JARID2: variants seen among roughly 807,000 people sequenced by gnomAD.
JARID2 encodes the protein protein Jumonji.
A neutral mutation model predicts 125.6 loss-of-function variants in JARID2; 21 were observed. The ratio of observed to expected loss-of-function variants is 0.17; its 90% CI spans 0.12 to 0.24. The LOEUF is 0.24. JARID2 is among the 10% of genes least tolerant of loss of function. The pLI is 1.00. For synonymous variants in JARID2, 736 were observed against 661.6 expected, an observed-to-expected ratio of 1.11 and a Z score of -1.73; for missense variants, 1,303 against 1,639.6, an observed-to-expected ratio of 0.79 and a Z score of 3.55.
chr6:15,518,164 C>G (rs946810675), intron 17 of JARID2, among the ~76,000 whole-genome samples: 1 of 152,250 alleles, frequency 6.6e-6, no homozygotes, highest in Non-Finnish European at 1.5e-5. Context: ...GGCACAGTTG[C>G]AAATAACGAA....
At chr6:15,254,774 T>A (rs1759592388) in intron 1 of JARID2, among the ~76,000 whole-genome samples, 1 of 152,098 alleles carries the variant, frequency 6.6e-6, no homozygotes, top group Non-Finnish European at 1.5e-5. Context: ...GCGCGGTGGC[T>A]CATGCCCGTA....
intron 1 of JARID2, among the ~76,000 whole-genome samples, chr6:15,262,533 ATTTTTT>A (rs35864895): frequency 8.6e-6 from 1 of 116,468 alleles, no homozygotes; most frequent in Non-Finnish European, 1.8e-5. Flanking sequence ...TGGTTTGGCT[ATTTTTT>A]TTTTTTTTTT....
chr6:15,482,447 A>G (rs1239565084), intron 5 of JARID2, among the ~76,000 whole-genome samples: 1 of 152,246 alleles, frequency 6.6e-6, no homozygotes, highest in Non-Finnish European at 1.5e-5. Context: ...TTAAAAAATG[A>G]CACAAACCAG....
intron 5 of JARID2, among the ~76,000 whole-genome samples, chr6:15,469,286 C>G (rs898735109): frequency 1.1e-5 from 1 of 87,608 alleles, no homozygotes; most frequent in East Asian, 3.4e-4. Flanking sequence ...GTCTCTCTGT[C>G]TCTGTCTCTC....
intron 3 of JARID2, among the ~76,000 whole-genome samples, chr6:15,433,657 A>G (rs571559704): frequency 4.2e-4 from 64 of 152,278 alleles, no homozygotes; most frequent in Non-Finnish European, 7.5e-4. Flanking sequence ...GTTGCAATAC[A>G]TGGTGCTTCC....
chr6:15,381,212 A>ACG, intron 2 of JARID2, among the ~76,000 whole-genome samples: 1 of 150,608 alleles, frequency 6.6e-6, no homozygotes, highest in Non-Finnish European at 1.5e-5. Flanking sequence ...AAAAAAAATT[A>ACG]GCCGGGCGTG....
At chr6:15,407,362 C>A (rs566486786) in intron 2 of JARID2, among the ~76,000 whole-genome samples, 2 of 152,130 alleles carry the variant, frequency 1.3e-5, no homozygotes, top group Non-Finnish European at 2.9e-5. Flanking sequence ...GGGGGTGATT[C>A]GCATGCATGC....
chr6:15,509,611 G>A lies in JARID2; in HGVS notation c.2846+1157G>A, dbSNP rs563281128. On this transcript the variant is annotated intron_variant, in intron 12 of 17. Transcript: ENST00000341776. ...CTTAGCCGGGCCAGGCCACCAGCTG[G>A]GGAGGGGACAGCCAGGACTATTCCG... 4.3e-4 allele frequency among the ~76,000 whole-genome samples: 65 copies of A among 152,368 alleles called. No individual in the cohort carries two copies. In the South Asian group the frequency reaches 0.013, roughly 30 times the overall value.
At chr6:15,482,549 T>C (rs1581626379) in intron 5 of JARID2, among the ~76,000 whole-genome samples, 1 of 152,240 alleles carries the variant, frequency 6.6e-6, no homozygotes, top group East Asian at 1.9e-4. Flanking sequence ...TTGACCTTTT[T>C]GTTAATCCCG....
chr6:15,519,284 C>T (rs1444257410), intron 17 of JARID2, among the ~76,000 whole-genome samples: 1 of 152,172 alleles, frequency 6.6e-6, no homozygotes, highest in South Asian at 2.1e-4. Context: ...GCAGCCATGA[C>T]TATGGTGTTA....
chr6:15,305,130 G>A (rs1489595206), intron 1 of JARID2, among the ~76,000 whole-genome samples: 5 of 152,126 alleles, frequency 3.3e-5, no homozygotes, highest in Non-Finnish European at 7.3e-5. Flanking sequence ...AATGAGCCTG[G>A]GCTTGAGGAA....
At chr6:15,276,148 C>T (rs1361201697) in intron 1 of JARID2, among the ~76,000 whole-genome samples, 3 of 152,182 alleles carry the variant, frequency 2.0e-5, no homozygotes, top group Admixed American at 6.5e-5. Flanking sequence ...CCTCCCTTCC[C>T]TATTTAAGCT....
Position 15,520,754 on chromosome 6 carries a change from A to T in JARID2, c.*503A>T, listed in dbSNP as rs1290257222. On this transcript the variant is annotated 3_prime_UTR_variant, in exon 18 of 18. Coordinates refer to ENST00000341776, the MANE Select transcript of JARID2 (RefSeq NM_004973.4). ...TGGCTGTCGTCTTCTGCCGTGTGCC[A>T]GATGAGCTTGTGATCTGGGAAGCCG... 2.2e-6 allele frequency: 1 copy of T among 455,902 alleles called. No individual in the cohort carries two copies. The highest frequency in any genetic ancestry group is 2.0e-5 in the African/African-American group (1 of 50,048). 28.2% of individuals were successfully genotyped at this position (455,902 alleles called of 1,614,324 possible).
intron 2 of JARID2, among the ~76,000 whole-genome samples, chr6:15,404,926 A>T (rs1379437020): frequency 6.6e-6 from 1 of 152,194 alleles, no homozygotes; most frequent in African/African-American, 2.4e-5. Flanking sequence ...GAGGACTGGT[A>T]AAACTTCTTT....
At chr6:15,262,296 C>A (rs1759914690) in intron 1 of JARID2, among the ~76,000 whole-genome samples, 1 of 151,894 alleles carries the variant, frequency 6.6e-6, no homozygotes, top group Non-Finnish European at 1.5e-5. Flanking sequence ...ACCTACGAAT[C>A]ATTTTCTGTC....
At chr6:15,306,328 CTTTT>C (rs398000594) in intron 1 of JARID2, among the ~76,000 whole-genome samples, 5 of 99,246 alleles carry the variant, frequency 5.0e-5, no homozygotes, top group African/African-American at 1.5e-4. Flanking sequence ...AGTCATATTT[CTTTT>C]TTTTTTTTTT....
intron 1 of JARID2, among the ~76,000 whole-genome samples, chr6:15,303,297 A>C (rs557938600): frequency 9.8e-5 from 15 of 152,360 alleles, no homozygotes; most frequent in East Asian, 3.9e-4. Context: ...TCTTGTTGAA[A>C]TGTTGCACAT....
chr6:15,415,933 G>A (rs1284410973), intron 3 of JARID2, among the ~76,000 whole-genome samples: 1 of 151,954 alleles, frequency 6.6e-6, no homozygotes, highest in African/African-American at 2.4e-5. Flanking sequence ...TTCCCAGACG[G>A]GGTGGCTGCC....
chr6:15,415,588 C>T (rs1374961284), intron 3 of JARID2, among the ~76,000 whole-genome samples: 5 of 131,662 alleles, frequency 3.8e-5, no homozygotes, highest in East Asian at 4.6e-4. Context: ...GCTGGCCGGG[C>T]GGGGGGCTGA....
Sources: allele counts gnomAD v4.1 joint callset (sites outside exome capture counted in the v4.1 genomes callset), GRCh38; gene constraint gnomAD v4.1.1; transcripts MANE v1.5; gene names NCBI Gene and HGNC (gene_info 2026-07-23, HGNC 2026-07-21).